Variants in COMMD6 observed in about 807,000 individuals in gnomAD.
The protein encoded by COMMD6 is COMM domain containing 6.
COMMD6 carries 11 observed loss-of-function variants against 13.4 expected under a neutral mutation model. The ratio of observed to expected loss-of-function variants is 0.82; its 90% confidence interval spans 0.52 to 1.36. COMMD6 has a LOEUF of 1.36. COMMD6 is among the 40% of genes most tolerant of loss of function. The pLI is 0.00. For missense variants in COMMD6, 124 were observed against 102.4 expected (o/e 1.21, Z -0.91); for synonymous variants, 43 against 36.5 (o/e 1.18, Z -0.64).
At chr13:75,538,035 A>C (rs2030746515), upstream of COMMD6, 7 of 453,188 alleles carry the variant, frequency 1.5e-5, no homozygotes, top group South Asian at 1.5e-4. Flanking sequence ...TTTGGGAGAT[A>C]CTTTGAGAAG....
chr13:75,526,913 C>T (rs2030283561), intron 3 of COMMD6, among the ~76,000 whole-genome samples: 2 of 152,096 alleles, frequency 1.3e-5, no homozygotes, highest in Non-Finnish European at 2.9e-5. Context: ...TTATTAAATA[C>T]TCAGCACTGT....
chr13:75,537,407 C>T, intron 2 of COMMD6: 1 of 1,551,184 alleles, frequency 6.4e-7, no homozygotes, highest in South Asian at 1.2e-5. Context: ...GAATAACTGT[C>T]GCCTAATCAA....
chr13:75,538,066 G>GCA, upstream of COMMD6: 1 of 421,500 alleles, frequency 2.4e-6, no homozygotes, highest in Non-Finnish European at 4.2e-6. Flanking sequence ...ATTAAATTTA[G>GCA]GATGCCGCTT....
At chr13:75,539,223 A>AATTAAG (rs1044782953), upstream of COMMD6, among the ~76,000 whole-genome samples, 2 of 14,902 alleles carry the variant, frequency 1.3e-4, no homozygotes, top group Non-Finnish European at 1.8e-4. Flanking sequence ...ATAACCAAAC[A>AATTAAG]ATTAACTTTT....
chr13:75,528,926 A>G (rs1420123778), intron 3 of COMMD6, among the ~76,000 whole-genome samples: 1 of 152,228 alleles, frequency 6.6e-6, no homozygotes, highest in African/African-American at 2.4e-5. Context: ...AGCAGAAATC[A>G]AAAGTATCAT....
upstream of COMMD6, among the ~76,000 whole-genome samples, chr13:75,541,422 G>C (rs2030822394): frequency 2.0e-5 from 3 of 151,920 alleles, no homozygotes; most frequent in Admixed American, 2.0e-4. Flanking sequence ...CATTGTTGGA[G>C]AGTAGTGTGT....
intron 3 of COMMD6, chr13:75,529,860 T>C (rs971837954): frequency 9.1e-6 from 3 of 329,664 alleles, no homozygotes; most frequent in Non-Finnish European, 1.6e-5. Context: ...CTTTCCTAAA[T>C]ATACTCAGAG....
upstream of COMMD6, among the ~76,000 whole-genome samples, chr13:75,541,089 A>G (rs1020123958): frequency 6.6e-6 from 1 of 152,172 alleles, no homozygotes; most frequent in African/African-American, 2.4e-5. Context: ...ACTTGAGTAT[A>G]GGAAAATTCT....
upstream of COMMD6, among the ~76,000 whole-genome samples, chr13:75,540,487 T>C (rs1325077927): frequency 6.6e-6 from 1 of 152,214 alleles, no homozygotes; most frequent in Non-Finnish European, 1.5e-5. Context: ...AAAAACTGTT[T>C]ATTATTGTTC....
At chr13:75,528,005 A>ATCAG in intron 3 of COMMD6, among the ~76,000 whole-genome samples, 1 of 1,732 alleles carries the variant, frequency 5.8e-4, no homozygotes, top group Middle Eastern at 0.12. Flanking sequence ...CCCTCAGCAC[A>ATCAG]CACACACACA....
upstream of COMMD6, chr13:75,537,907 C>A (rs1359648487): frequency 1.0e-5 from 13 of 1,239,124 alleles, no homozygotes; most frequent in African/African-American, 8.9e-5. Context: ...ATGGGGCGGA[C>A]GTAGCAGGGG....
At position 75,526,314 on chromosome 13, in the gene COMMD6, A is replaced by C; in HGVS notation, c.*275T>G. On this transcript the variant is annotated 3_prime_UTR_variant, in exon 4 of 4. Transcript: ENST00000682242. The stretch of plus-strand genomic sequence containing the variant: ...TAAATTTGTGCTGCCTCCAACAGCA[A>C]TGATTCAACTGTTAGTCTGATTACA... The C allele has an allele frequency of 3.3e-6, 1 of 305,532 alleles. No homozygotes were observed. The highest frequency in any genetic ancestry group is 5.9e-6 in the Non-Finnish European group (1 of 168,178). 18.9% of individuals were successfully genotyped at this position (305,532 alleles called of 1,614,324 possible). A position where few individuals can be genotyped will look rare whatever the true frequency, so the allele number is the denominator to read the frequency against.
intron 2 of COMMD6, among the ~76,000 whole-genome samples, chr13:75,536,187 T>C (rs1402334007): frequency 6.6e-6 from 1 of 152,258 alleles, no homozygotes; most frequent in Admixed American, 6.5e-5. Flanking sequence ...AATTTCTTCA[T>C]GTTATAAATG....
chr13:75,526,814 C>G (rs1019462443), intron 3 of COMMD6, among the ~76,000 whole-genome samples, 175 bp from the exon 4 acceptor site: 1 of 152,056 alleles, frequency 6.6e-6, no homozygotes, highest in African/African-American at 2.4e-5. Context: ...GTACTGCAAG[C>G]AAAAATACTA....
chr13:75,529,887 C>G (rs918994121), intron 3 of COMMD6: 2 of 432,230 alleles, frequency 4.6e-6, no homozygotes, highest in African/African-American at 4.0e-5. Context: ...ACTGTTCAAG[C>G]GATCAAATGG....
intron 3 of COMMD6, among the ~76,000 whole-genome samples, chr13:75,528,339 G>A (rs1009906787): frequency 4.6e-5 from 7 of 152,030 alleles, no homozygotes; most frequent in Middle Eastern, 3.4e-3. Flanking sequence ...AGACCAAAAC[G>A]TGTATTCTCT....
At chr13:75,532,643 A>C (rs1455378990) in intron 2 of COMMD6, among the ~76,000 whole-genome samples, 1 of 152,152 alleles carries the variant, frequency 6.6e-6, no homozygotes, top group African/African-American at 2.4e-5. Flanking sequence ...CATCCTGGCT[A>C]ACACAGTGAA....
At chr13:75,544,119 T>TG (rs1285047596) in intron 1 of COMMD6, among the ~76,000 whole-genome samples, 2 of 83,176 alleles carry the variant, frequency 2.4e-5, no homozygotes, top group African/African-American at 9.1e-5. Flanking sequence ...TGGTGGTGGG[T>TG]GGGGGGGAGG....
chr13:75,537,490 A>G (rs1464400962), intron 2 of COMMD6, 174 bp downstream of exon 2: 4 of 1,554,518 alleles, frequency 2.6e-6, no homozygotes, highest in South Asian at 1.2e-5. Flanking sequence ...TTACAATGGC[A>G]ACGGCTACCG....
Sources: gnomAD v4.1 joint callset for allele counts (sites outside exome capture counted in the v4.1 genomes callset) on GRCh38, gnomAD v4.1.1 for gene constraint, MANE v1.5 for transcripts, NCBI Gene and HGNC (gene_info 2026-07-23, HGNC 2026-07-21) for gene names.